NRG1: variants seen among roughly 807,000 people sequenced by gnomAD.
NRG1 encodes pro-neuregulin-1, membrane-bound isoform.
Under a neutral mutation model 63.8 loss-of-function variants are expected in NRG1, and 18 were observed. The observed-to-expected ratio is 0.28, with a 90% CI of 0.19 to 0.42. The LOEUF is 0.42. NRG1 is among the 10% of genes least tolerant of loss of function. The probability of loss-of-function intolerance (pLI) is 1.00; values close to 1 mark genes in which losing one functional copy is unlikely to be tolerated. For synonymous variants in NRG1, 302 were observed against 301.3 expected, an observed-to-expected ratio of 1.00 and a Z score of -0.02; for missense variants, 762 against 814.7, an observed-to-expected ratio of 0.94 and a Z score of 0.79.
intron 1 of NRG1, among the ~76,000 whole-genome samples, chr8:31,815,981 A>G (rs1823402264): frequency 6.6e-6 from 1 of 152,028 alleles, no homozygotes; most frequent in East Asian, 1.9e-4. Context: ...CTGTGTATTC[A>G]GCGTTTGCTT....
chr8:32,513,022 T>C (rs1415236105), intron 1 of NRG1, among the ~76,000 whole-genome samples: 2 of 152,196 alleles, frequency 1.3e-5, no homozygotes, highest in African/African-American at 2.4e-5. Flanking sequence ...TGTGAAAACT[T>C]GGGACAGTAA....
chr8:32,139,369 C>T (rs1272450679), intron 1 of NRG1: 1 of 152,150 alleles, frequency 6.6e-6, no homozygotes, highest in African/African-American at 2.4e-5. Context: ...GAGCGAGAAC[C>T]GCCTAGCCAT....
At chr8:32,655,996 C>A (rs1801398282) in intron 5 of NRG1, among the ~76,000 whole-genome samples, 1 of 151,996 alleles carries the variant, frequency 6.6e-6, no homozygotes, top group African/African-American at 2.4e-5. Context: ...ATTTCCTGAT[C>A]TCAAAAGATG....
chr8:32,179,351 C>T (rs1193814301), intron 1 of NRG1, among the ~76,000 whole-genome samples: 1 of 152,068 alleles, frequency 6.6e-6, no homozygotes, highest in Non-Finnish European at 1.5e-5. Context: ...TGTAGCAATA[C>T]GTTTCTGCCT....
intron 1 of NRG1, among the ~76,000 whole-genome samples, chr8:32,149,958 G>A (rs186400465): frequency 4.3e-4 from 66 of 152,244 alleles, no homozygotes; most frequent in Admixed American, 3.7e-3. Context: ...ATCTAATAAT[G>A]CTGGTTTTCT....
At chr8:32,504,155 C>T (rs1828248798) in intron 1 of NRG1, among the ~76,000 whole-genome samples, 1 of 152,160 alleles carries the variant, frequency 6.6e-6, no homozygotes, top group Non-Finnish European at 1.5e-5. Context: ...TGCTGATCAG[C>T]AGTTTCAGGC....
At chr8:31,951,986 A>G (rs929960779) in intron 1 of NRG1, among the ~76,000 whole-genome samples, 10 of 152,154 alleles carry the variant, frequency 6.6e-5, no homozygotes, top group African/African-American at 2.4e-4. Context: ...GATCTTTTAA[A>G]TTTGGAACTC....
chr8:32,291,346 G>C (rs1854174157), intron 1 of NRG1, among the ~76,000 whole-genome samples: 1 of 152,118 alleles, frequency 6.6e-6, no homozygotes, highest in African/African-American at 2.4e-5. Context: ...GGCATACACT[G>C]TGAAACCACT....
chr8:32,350,217 T>C (rs1419751180), intron 1 of NRG1, among the ~76,000 whole-genome samples: 1 of 152,190 alleles, frequency 6.6e-6, no homozygotes, highest in Non-Finnish European at 1.5e-5. Context: ...CAGAGAATAA[T>C]AAATTGTAAG....
At chr8:32,143,119 G>C (rs1435829282) in intron 1 of NRG1, among the ~76,000 whole-genome samples, 1 of 152,164 alleles carries the variant, frequency 6.6e-6, no homozygotes, top group Non-Finnish European at 1.5e-5. Flanking sequence ...AGGCCTCTAA[G>C]CTGCAGCCTC....
At chr8:31,922,646 T>C (rs187925726) in intron 1 of NRG1, among the ~76,000 whole-genome samples, 2 of 152,332 alleles carry the variant, frequency 1.3e-5, no homozygotes, top group East Asian at 3.9e-4. Context: ...AATGAGAGTC[T>C]GTGCTTTTAG....
At chr8:31,940,922 C>A (rs1349653916) in intron 1 of NRG1, among the ~76,000 whole-genome samples, 1 of 151,768 alleles carries the variant, frequency 6.6e-6, no homozygotes, top group Non-Finnish European at 1.5e-5. Flanking sequence ...TTGCCAACAA[C>A]AAAAAAAGTC....
intron 1 of NRG1, among the ~76,000 whole-genome samples, chr8:31,909,040 C>A (rs914717434): frequency 8.5e-5 from 13 of 152,140 alleles, no homozygotes; most frequent in African/African-American, 3.1e-4. Flanking sequence ...CAAACTTCAA[C>A]TGTAGGTCAT....
intron 1 of NRG1, among the ~76,000 whole-genome samples, chr8:32,038,511 A>G (rs1819437578): frequency 6.6e-6 from 1 of 152,090 alleles, no homozygotes; most frequent in Non-Finnish European, 1.5e-5. Flanking sequence ...AGTATGTATC[A>G]TGGCAATAAC....
chr8:32,597,125 G>A (rs943941149), intron 2 of NRG1, among the ~76,000 whole-genome samples: 4 of 152,150 alleles, frequency 2.6e-5, no homozygotes, highest in Middle Eastern at 3.4e-3. Flanking sequence ...TTTAATCAAC[G>A]TGACATGTAT....
intron 1 of NRG1, among the ~76,000 whole-genome samples, chr8:31,876,472 T>C (rs1829931519): frequency 6.6e-6 from 1 of 152,156 alleles, no homozygotes; most frequent in Non-Finnish European, 1.5e-5. Flanking sequence ...TTATCACATT[T>C]AGAATATTCA....
At chr8:31,730,783 G>C (rs542364248) in intron 1 of NRG1, among the ~76,000 whole-genome samples, 70 of 152,028 alleles carry the variant, frequency 4.6e-4, no homozygotes, top group African/African-American at 1.5e-3. Flanking sequence ...AACAAACTTT[G>C]GTAAGACACA....
chr8:32,754,240 C>T (rs902982733), intron 7 of NRG1, 132 bp from the exon 8 acceptor site: 34 of 758,762 alleles, frequency 4.5e-5, no homozygotes, highest in South Asian at 3.1e-4. Context: ...TGTGTGTAAA[C>T]GTAAAGAATT....
intron 1 of NRG1, among the ~76,000 whole-genome samples, chr8:31,942,320 C>T (rs1189451573): frequency 6.6e-6 from 1 of 151,998 alleles, no homozygotes; most frequent in Non-Finnish European, 1.5e-5. Context: ...GTGCTGAGAT[C>T]ATTGGCAAGC....
Sources: allele counts gnomAD v4.1 joint callset (sites outside exome capture counted in the v4.1 genomes callset), GRCh38; gene constraint gnomAD v4.1.1; transcripts MANE v1.5; gene names NCBI Gene and HGNC (gene_info 2026-07-23, HGNC 2026-07-21).